Variants in TBX20 observed in about 807,000 individuals in gnomAD.
TBX20 encodes the protein T-box transcription factor TBX20.
In TBX20, 8 loss-of-function variants were observed where a neutral mutation model predicts 42.9. The observed-to-expected ratio is 0.19, with a 90% CI of 0.11 to 0.34. The LOEUF (loss-of-function observed/expected upper bound fraction) is 0.34. Ranked by LOEUF, TBX20 falls within the 10% of genes least tolerant of loss-of-function variation. The probability of loss-of-function intolerance (pLI) is 1.00; values close to 1 mark genes in which losing one functional copy is unlikely to be tolerated. For missense variants in TBX20, 411 were observed against 566.0 expected (o/e 0.73, Z 2.78); for synonymous variants, 198 against 222.8 (o/e 0.89, Z 0.99).
At position 35,202,533 on chromosome 7, in the gene TBX20, G is replaced by C. The variant is rs773651866; in HGVS notation, c.1241C>G (p.Pro414Arg). 1 of 1,613,680 alleles carries C rather than the reference G, an allele frequency of 6.2e-7. No homozygotes were observed. The highest frequency in any genetic ancestry group is 1.7e-5 in the Admixed American group (1 of 59,990). The change falls in exon 8 of 8, where the codon CCT (proline) becomes CGT (arginine). Residue 414 changes from proline (P) to arginine (R), a missense_variant. Around this residue, in one of 5 missense-constraint regions of TBX20, gnomAD observed 162 missense variants for 205.4 expected, o/e 0.79. Transcript: ENST00000408931. Reference sequence around the variant, plus strand: ...ATGGTATCGCGGCATGTGGAATGAAGGGAATGTGGGGCCACTCCCTTGCAT... The same window carrying C: ...ATGGTATCGCGGCATGTGGAATGAACGGAATGTGGGGCCACTCCCTTGCAT... ...SSMQGSGPTF[P>R]SFHMPRYHHY... is the part of the protein sequence containing the mutation.
chr7:35,247,061 T>C (rs910025220), intron 3 of TBX20, among the ~76,000 whole-genome samples: 83 of 151,616 alleles, frequency 5.5e-4, no homozygotes, highest in African/African-American at 1.9e-3. Flanking sequence ...GCATGTCATA[T>C]TTCCAAAGTC....
chr7:35,239,295 T>C (rs892420453), intron 5 of TBX20, among the ~76,000 whole-genome samples: 5 of 152,060 alleles, frequency 3.3e-5, no homozygotes, highest in African/African-American at 1.2e-4. Context: ...GTGACCATCC[T>C]CCCCGGGACT....
chr7:35,235,614 T>C (rs1179311906), intron 5 of TBX20, among the ~76,000 whole-genome samples: 2 of 152,230 alleles, frequency 1.3e-5, no homozygotes, highest in African/African-American at 4.8e-5. Context: ...TGCTACTGTT[T>C]AGTGTGGGTC....
At chr7:35,232,678 A>G (rs1276648418) in intron 5 of TBX20, among the ~76,000 whole-genome samples, 2 of 152,242 alleles carry the variant, frequency 1.3e-5, no homozygotes, top group Admixed American at 1.3e-4. Context: ...AGTTACAGGT[A>G]TGTCTTCTTC....
At chr7:35,235,042 A>G (rs1789936717) in intron 5 of TBX20, among the ~76,000 whole-genome samples, 1 of 152,200 alleles carries the variant, frequency 6.6e-6, no homozygotes, top group Admixed American at 6.5e-5. Flanking sequence ...ACAGTGAGAA[A>G]TATGATCTCA....
intron 4 of TBX20, among the ~76,000 whole-genome samples, chr7:35,242,088 C>A (rs1451787398): frequency 1.3e-5 from 2 of 152,030 alleles, no homozygotes; most frequent in Non-Finnish European, 2.9e-5. Context: ...GCACTCTCTG[C>A]TGGTTGCTGC....
At chr7:35,237,144 G>A (rs1256248225) in intron 5 of TBX20, among the ~76,000 whole-genome samples, 1 of 152,160 alleles carries the variant, frequency 6.6e-6, no homozygotes, top group African/African-American at 2.4e-5. Flanking sequence ...CCAGATTTGT[G>A]ACCTTGGGTG....
intron 1 of TBX20, among the ~76,000 whole-genome samples, chr7:35,251,597 T>C (rs1283381459): frequency 6.6e-6 from 1 of 152,172 alleles, no homozygotes; most frequent in Non-Finnish European, 1.5e-5. Context: ...TTCTGACAAC[T>C]GAAAGAGGCA....
intron 6 of TBX20, among the ~76,000 whole-genome samples, chr7:35,216,702 C>T (rs1449571465): frequency 6.6e-6 from 1 of 152,174 alleles, no homozygotes; most frequent in African/African-American, 2.4e-5. Context: ...AACCTTCCTT[C>T]CTTATACATG....
intron 6 of TBX20, among the ~76,000 whole-genome samples, chr7:35,217,954 A>G (rs1432692875): frequency 2.0e-5 from 3 of 152,180 alleles, no homozygotes; most frequent in African/African-American, 7.2e-5. Context: ...TCCTGAGCTC[A>G]GGTGATCCGC....
chr7:35,211,236 T>A (rs1172884683), intron 6 of TBX20, among the ~76,000 whole-genome samples: 3 of 152,034 alleles, frequency 2.0e-5, no homozygotes, highest in Non-Finnish European at 4.4e-5. Flanking sequence ...TAATTATTAT[T>A]ATATTTGTTT....
chr7:35,250,966 T>G (rs1562568418), intron 1 of TBX20, among the ~76,000 whole-genome samples: 2 of 152,192 alleles, frequency 1.3e-5, no homozygotes, highest in Non-Finnish European at 2.9e-5. Flanking sequence ...GTATAAAATT[T>G]TTCTTTCTCC....
chr7:35,243,445 T>TA (rs1266533953), intron 4 of TBX20, among the ~76,000 whole-genome samples: 12 of 152,288 alleles, frequency 7.9e-5, no homozygotes, highest in African/African-American at 2.6e-4. Flanking sequence ...AGGAAAGCAT[T>TA]TCAATTATGG....
At position 35,250,108 on chromosome 7, in the gene TBX20, G is replaced by A; in HGVS notation, c.223C>T (p.Pro75Ser). Residue 75 changes from proline to serine, a missense_variant, in exon 2 of 8, where the codon CCG becomes TCG. Coordinates refer to ENST00000408931, the MANE Select transcript of TBX20 (RefSeq NM_001077653.2). The part of the protein sequence containing the change: ...GEFGGGSGSS[P>S]SSSSLCTEPL... ...TCAGTGCACAGAGAGGAGGAGGACG[G>A]GCTGCTGCCACTGCCTCCACCAAAC... 1.9e-6 allele frequency: 3 copies of A among 1,613,672 alleles called. No homozygotes were observed. The highest frequency in any genetic ancestry group is 2.5e-6 in the Non-Finnish European group (3 of 1,179,870).
intron 5 of TBX20, among the ~76,000 whole-genome samples, chr7:35,236,222 T>C (rs1789962022): frequency 1.3e-5 from 2 of 151,822 alleles, no homozygotes; most frequent in Admixed American, 6.6e-5. Flanking sequence ...TGGATTTCAA[T>C]ACACATAAAA....
chr7:35,246,501 T>C (rs913900261), intron 3 of TBX20, among the ~76,000 whole-genome samples: 8 of 152,194 alleles, frequency 5.3e-5, no homozygotes, highest in Admixed American at 3.9e-4. Context: ...CCACATGTAA[T>C]GGCTATTAAT....
chr7:35,207,652 A>G (rs1789422185), intron 6 of TBX20, among the ~76,000 whole-genome samples: 1 of 152,150 alleles, frequency 6.6e-6, no homozygotes, highest in Non-Finnish European at 1.5e-5. Context: ...TCTTGAGTTA[A>G]TTTTATATAT....
chr7:35,204,359 T>C (rs1439525276), intron 7 of TBX20, 111 bp downstream of exon 7: 5 of 754,438 alleles, frequency 6.6e-6, no homozygotes, highest in Non-Finnish European at 1.2e-5. Flanking sequence ...CCTGAAATCC[T>C]TTCCCGGCAT....
chr7:35,235,171 T>C (rs1287073294), intron 5 of TBX20, among the ~76,000 whole-genome samples: 1 of 151,794 alleles, frequency 6.6e-6, no homozygotes, highest in Non-Finnish European at 1.5e-5. Flanking sequence ...TAGGTAATCA[T>C]ACGTTTTAAA....
Sources: allele counts gnomAD v4.1 joint callset (sites outside exome capture counted in the v4.1 genomes callset), GRCh38; gene constraint gnomAD v4.1.1; regional missense constraint gnomAD v4.1.1; transcripts MANE v1.5; gene names NCBI Gene and HGNC (gene_info 2026-07-23, HGNC 2026-07-21).